SLCO3A1: variants seen among roughly 807,000 people sequenced by gnomAD.
SLCO3A1 encodes PGE1 transporter.
SLCO3A1 carries 27 observed loss-of-function variants against 63.1 expected under a neutral mutation model. The ratio of observed to expected loss-of-function variants is 0.43; its 90% CI spans 0.32 to 0.59. The LOEUF is 0.59. SLCO3A1 is among the 20% of genes least tolerant of loss of function. The probability of loss-of-function intolerance (pLI) is 0.09; values close to 1 mark genes in which losing one functional copy is unlikely to be tolerated. For missense variants in SLCO3A1, 773 were observed against 945.8 expected, an observed-to-expected ratio of 0.82 and a Z score of 2.40; for synonymous variants, 473 against 409.9, an observed-to-expected ratio of 1.15 and a Z score of -1.86.
intron 7 of SLCO3A1, among the ~76,000 whole-genome samples, chr15:92,142,210 C>A (rs1238222609): frequency 6.6e-6 from 1 of 152,232 alleles, no homozygotes; most frequent in Non-Finnish European, 1.5e-5. Flanking sequence ...CTTCTTCTGT[C>A]ATTAACCCTA....
intron 2 of SLCO3A1, among the ~76,000 whole-genome samples, chr15:91,982,771 A>G (rs563674355): frequency 6.6e-6 from 1 of 152,390 alleles, no homozygotes; most frequent in Admixed American, 6.5e-5. Flanking sequence ...GTTGCACACC[A>G]GCCCTACAGG....
At chr15:92,007,098 G>A (rs190885228) in intron 2 of SLCO3A1, among the ~76,000 whole-genome samples, 1 of 152,264 alleles carries the variant, frequency 6.6e-6, no homozygotes, top group Non-Finnish European at 1.5e-5. Flanking sequence ...CCACTGACAC[G>A]CAGGAGGACT....
At chr15:92,142,175 G>A (rs1176345464) in intron 7 of SLCO3A1, among the ~76,000 whole-genome samples, 3 of 152,226 alleles carry the variant, frequency 2.0e-5, no homozygotes, top group African/African-American at 7.2e-5. Context: ...CATTTTCATT[G>A]GTCTTGTGCC....
At chr15:92,106,011 G>T (rs889071638) in intron 4 of SLCO3A1, among the ~76,000 whole-genome samples, 10 of 152,144 alleles carry the variant, frequency 6.6e-5, no homozygotes, top group African/African-American at 2.4e-4. Flanking sequence ...ATCATTAACT[G>T]CCCCCTGCTT....
intron 2 of SLCO3A1, among the ~76,000 whole-genome samples, chr15:91,938,509 A>G (rs532584134): frequency 4.5e-4 from 64 of 141,428 alleles, no homozygotes; most frequent in Non-Finnish European, 8.7e-4. Context: ...GTATCTAGGT[A>G]TTTGTGTCAC....
In SLCO3A1 at chr15:92,041,829, A is replaced by AC. The variant is rs537025259; in HGVS notation, c.647-53052_647-53051insC. 3.4e-3 allele frequency among the ~76,000 whole-genome samples: 515 copies of AC among 152,238 alleles called. 4 individuals carry two copies. The highest frequency in any genetic ancestry group is 0.011 in the African/African-American group (472 of 41,522). On this transcript the variant is annotated intron_variant, in intron 2 of 9. Transcript: ENST00000318445. ...AAACACAGAGGATAAGTGTAATGACATTTAAATATTTAATTTTAATATTTT... is the reference window on the plus strand; with the variant it reads ...AAACACAGAGGATAAGTGTAATGACACTTTAAATATTTAATTTTAATATTTT...
intron 2 of SLCO3A1, among the ~76,000 whole-genome samples, chr15:92,048,144 A>T (rs2151494544): frequency 6.6e-6 from 1 of 152,144 alleles, no homozygotes; most frequent in East Asian, 1.9e-4. Flanking sequence ...GAATCTGTTT[A>T]AACTGCCTCA....
At chr15:92,056,829 C>T (rs998828664) in intron 2 of SLCO3A1, among the ~76,000 whole-genome samples, 2 of 152,178 alleles carry the variant, frequency 1.3e-5, no homozygotes, top group Non-Finnish European at 2.9e-5. Context: ...GGATAAATTG[C>T]AGCATCCAGA....
At chr15:91,953,150 C>T (rs1335647957) in intron 2 of SLCO3A1, among the ~76,000 whole-genome samples, 1 of 152,186 alleles carries the variant, frequency 6.6e-6, no homozygotes, top group African/African-American at 2.4e-5. Flanking sequence ...CCCAGGTCAT[C>T]CCTGCAGAGG....
intron 2 of SLCO3A1, among the ~76,000 whole-genome samples, chr15:91,946,257 C>T (rs555081510): frequency 6.6e-6 from 1 of 152,268 alleles, no homozygotes; most frequent in South Asian, 2.1e-4. Context: ...CTGGTGTCAC[C>T]CAGCTGGTCA....
intron 6 of SLCO3A1, among the ~76,000 whole-genome samples, chr15:92,127,009 C>A (rs569569372): frequency 6.6e-6 from 1 of 152,220 alleles, no homozygotes. Flanking sequence ...CCTGCTCCTG[C>A]GCTTGTGCCG....
Position 91,898,416 on chromosome 15 carries a change from G to A in SLCO3A1, c.181-17577G>A, listed in dbSNP as rs146358493. On this transcript the variant is annotated intron_variant, in intron 1 of 9. Transcript: ENST00000318445. ...AACAATGTGTCTCTCTTGGCTTTCAGCTTTTATTAGACACAAACATCTCAT... is the reference window on the plus strand; with the variant it reads ...AACAATGTGTCTCTCTTGGCTTTCAACTTTTATTAGACACAAACATCTCAT... 1.4e-3 allele frequency among the ~76,000 whole-genome samples: 216 copies of A among 152,260 alleles called. 4 individuals carry two copies. The highest frequency in any genetic ancestry group is 2.9e-3 in the Admixed American group (45 of 15,294).
At chr15:92,131,354 C>A (rs897599106) in intron 7 of SLCO3A1, among the ~76,000 whole-genome samples, 7 of 110,336 alleles carry the variant, frequency 6.3e-5, no homozygotes, top group Non-Finnish European at 1.1e-4. Flanking sequence ...CCTCCCTATT[C>A]CTCCCACCTC....
chr15:91,931,801 GCA>G (rs747533145), intron 2 of SLCO3A1, among the ~76,000 whole-genome samples: 20 of 149,840 alleles, frequency 1.3e-4, no homozygotes, highest in African/African-American at 2.0e-4. Flanking sequence ...ACACACACAC[GCA>G]CACACACACA....
chr15:91,918,045 A>G lies in SLCO3A1; in HGVS notation c.646+1587A>G, dbSNP rs148423646. Among the ~76,000 whole-genome samples the G allele has an allele frequency of 6.4e-4, 97 of 152,326 alleles. 1 individual carries two copies. The highest frequency in any genetic ancestry group is 2.3e-3 in the African/African-American group (95 of 41,580). ...ACCCCTGAAGTCCTAACAGTGCTGT[A>G]TCACTTCTGCCTGGGGCTTCCAGCC... On this transcript the variant is annotated intron_variant, in intron 2 of 9. Transcript: ENST00000318445.
chr15:91,858,357 G>A (rs936278849), intron 1 of SLCO3A1, among the ~76,000 whole-genome samples: 1 of 151,868 alleles, frequency 6.6e-6, no homozygotes, highest in Admixed American at 6.6e-5. Context: ...TGTAGCCCCA[G>A]GTAGTAAGAA....
chr15:92,117,300 C>G (rs1206858658), intron 4 of SLCO3A1, among the ~76,000 whole-genome samples: 3 of 152,186 alleles, frequency 2.0e-5, no homozygotes, highest in Non-Finnish European at 4.4e-5. Context: ...TCAGCAAATG[C>G]TGGAGGTATC....
At chr15:91,988,130 C>T (rs187885385) in intron 2 of SLCO3A1, among the ~76,000 whole-genome samples, 8 of 152,046 alleles carry the variant, frequency 5.3e-5, no homozygotes, top group African/African-American at 1.4e-4. Flanking sequence ...GGGTTGGGTG[C>T]GGTGGTGCAC....
intron 2 of SLCO3A1, among the ~76,000 whole-genome samples, chr15:91,952,781 C>T (rs1039157085): frequency 3.7e-4 from 56 of 152,292 alleles, no homozygotes; most frequent in African/African-American, 1.3e-3. Context: ...TCGATTCTGT[C>T]TTCTCAGCAG....
Sources: allele counts gnomAD v4.1 joint callset (sites outside exome capture counted in the v4.1 genomes callset), GRCh38; gene constraint gnomAD v4.1.1; transcripts MANE v1.5; gene names NCBI Gene and HGNC (gene_info 2026-07-23, HGNC 2026-07-21).